The following RCN2 variants were observed in gnomAD, a reference collection of about 807,000 sequenced individuals.
RCN2 encodes reticulocalbin-2.
Under a neutral mutation model 37.5 loss-of-function variants are expected in RCN2, and 23 were observed. That is an observed-to-expected ratio of 0.61 (90% CI 0.44 to 0.87). The LOEUF is 0.87. Among genes scored for constraint, RCN2 ranks in the 40% least tolerant of loss-of-function variants. The pLI is 0.00. For missense variants in RCN2, 381 were observed against 390.4 expected (o/e 0.98, Z 0.20); for synonymous variants, 140 against 144.6 (o/e 0.97, Z 0.23).
intron 4 of RCN2, among the ~76,000 whole-genome samples, chr15:76,946,182 A>G (rs2075295840): frequency 6.6e-6 from 1 of 152,236 alleles, no homozygotes; most frequent in African/African-American, 2.4e-5. Flanking sequence ...TGGGCCAGGC[A>G]TGGTGGCTCA....
rs2075222892 is a variant in RCN2, at chr15:76,931,792, C to T, written c.-50C>T. ...GGAGCATCGCAGCCGGCCCGGGCCC[C>T]CGCCAGCCTCCCTCCTCGCGTCCCT... On this transcript the variant is annotated 5_prime_UTR_variant, in exon 1 of 7. Transcript: ENST00000394885. 1.7e-6 allele frequency: 2 copies of T among 1,193,396 alleles called. No homozygotes were observed. Among genetic ancestry groups the T allele is most frequent in the South Asian group, 3.9e-5 (1 of 25,766 alleles). 73.9% of individuals were successfully genotyped at this position (1,193,396 alleles called of 1,614,324 possible).
At chr15:76,941,773 T>A (rs1052901051) in intron 3 of RCN2, 28 of 671,406 alleles carry the variant, frequency 4.2e-5, no homozygotes, top group South Asian at 6.1e-5. Flanking sequence ...TTTTTTTTTT[T>A]AAAGAAATCT....
At chr15:76,935,837 G>A in intron 3 of RCN2, 115 bp downstream of exon 3, 1 of 695,090 alleles carries the variant, frequency 1.4e-6, no homozygotes, top group Non-Finnish European at 2.4e-6. Context: ...TGTTCTCTAG[G>A]AAATCACCTG....
At chr15:76,945,780 C>G (rs1239620063) in intron 4 of RCN2, among the ~76,000 whole-genome samples, 1 of 152,204 alleles carries the variant, frequency 6.6e-6, no homozygotes, top group Non-Finnish European at 1.5e-5. Context: ...ATACATTTTT[C>G]TCCATAGCTC....
In RCN2 at chr15:76,950,102, A is replaced by C. The variant is rs1274956720; in HGVS notation, c.*880A>C. ...TAATATAATTGAATGTGCACCTGAC[A>C]CATTTTAATAATTGGTGTTGTAGCA... On this transcript the variant is annotated 3_prime_UTR_variant, in exon 7 of 7. Transcript: ENST00000394885. 1 of 152,052 alleles carries C rather than the reference A, an allele frequency of 6.6e-6. No homozygotes were observed. 9.4% of individuals were successfully genotyped at this position (152,052 alleles called of 1,614,324 possible).
rs1421931490 is a variant in RCN2 at position 76,952,222 on chromosome 15, A to G, written c.*3000A>G. The G allele has an allele frequency of 6.6e-6, 1 of 152,108 alleles. No homozygotes were observed. The highest frequency in any genetic ancestry group is 1.5e-5 in the Non-Finnish European group (1 of 68,030). The allele number at this position is 152,108 out of a possible 1,614,324, so 9.4% of individuals were successfully genotyped here. ...ACTGTTAACATATCATTGTCACCCA[A>G]AGTGCATAGTTTACATTAGGGTTCA... On this transcript the variant is annotated 3_prime_UTR_variant, in exon 7 of 7. Transcript: ENST00000394885.
Position 76,951,442 on chromosome 15 carries a change from G to A in RCN2, c.*2220G>A, listed in dbSNP as rs1431569873. ...GCTGGATCCACAGTGGGCTTTGTATGATCAAAAAATAAGCTTTTAATTATG... is the reference window on the plus strand; with the variant it reads ...GCTGGATCCACAGTGGGCTTTGTATAATCAAAAAATAAGCTTTTAATTATG... On this transcript the variant is annotated 3_prime_UTR_variant, in exon 7 of 7. Coordinates refer to ENST00000394885, the MANE Select transcript of RCN2 (RefSeq NM_002902.3). The A allele has an allele frequency of 6.6e-6, 1 of 152,152 alleles. No individual in the cohort carries two copies. The highest frequency in any genetic ancestry group is 2.4e-5 in the African/African-American group (1 of 41,426). The allele number at this position is 152,152 out of a possible 1,614,324, so 9.4% of individuals were successfully genotyped here. A position where few individuals can be genotyped will look rare whatever the true frequency, so the allele number is the denominator to read the frequency against.
intron 3 of RCN2, among the ~76,000 whole-genome samples, chr15:76,940,109 AT>A (rs112017316): frequency 0.012 from 1,757 of 148,376 alleles, 28 homozygotes; most frequent in African/African-American, 0.039. Context: ...CCTTTTGGTT[AT>A]TTTTTTTTTT....
chr15:76,941,565 T>C (rs1282967766), intron 3 of RCN2: 2 of 830,876 alleles, frequency 2.4e-6, no homozygotes, highest in Non-Finnish European at 3.7e-6. Context: ...GAATACAAAG[T>C]TTTTATATAC....
At chr15:76,946,862 A>G (rs1253247685) in intron 4 of RCN2, among the ~76,000 whole-genome samples, 1 of 152,150 alleles carries the variant, frequency 6.6e-6, no homozygotes, top group Non-Finnish European at 1.5e-5. Flanking sequence ...CTTTGATAAG[A>G]GGGAGGAACA....
chr15:76,931,959 G>C lies in RCN2; in HGVS notation c.118G>C (p.Asp40His). 1 of 1,276,168 alleles carries C rather than the reference G, an allele frequency of 7.8e-7. No individual in the cohort carries two copies. Among genetic ancestry groups the C allele is most frequent in the Non-Finnish European group, 9.8e-7 (1 of 1,016,386 alleles). 79.1% of individuals were successfully genotyped at this position (1,276,168 alleles called of 1,614,324 possible). ...GCTGGGCGAGCGCCGCAGCGACTAC[G>C]ACCGCGAGGCGCTGCTGGGCGTCCA... Reference protein sequence around the residue: ...YPLGERRSDYDREALLGVQED... With the variant: ...YPLGERRSDYHREALLGVQED... The change falls in exon 1 of 7, where the codon GAC becomes CAC. Residue 40 changes from aspartate to histidine, a missense_variant. Physicochemically the swap from Asp to His is moderately conservative, Grantham distance 81. Transcript: ENST00000394885.
At chr15:76,936,766 C>A (rs1245205953) in intron 3 of RCN2, among the ~76,000 whole-genome samples, 1 of 152,150 alleles carries the variant, frequency 6.6e-6, no homozygotes, top group East Asian at 1.9e-4. Context: ...GTCTTGGAAC[C>A]AATTTCCCAG....
intron 6 of RCN2, 41 bp downstream of exon 6, chr15:76,948,593 C>T (rs1306202432): frequency 6.8e-7 from 1 of 1,471,920 alleles, no homozygotes; most frequent in Non-Finnish European, 9.1e-7. Flanking sequence ...ACCCCCTCCC[C>T]CCGAATTTGG....
chr15:76,936,190 AC>A (rs1440262331), intron 3 of RCN2, among the ~76,000 whole-genome samples: 2 of 151,962 alleles, frequency 1.3e-5, no homozygotes, highest in Admixed American at 6.6e-5. Context: ...AAAAAAAAAA[AC>A]TGTGTCTCTA....
chr15:76,947,387 C>CTT, intron 4 of RCN2, 34 bp from the exon 5 acceptor site: 15 of 1,275,492 alleles, frequency 1.2e-5, no homozygotes, highest in Admixed American at 6.6e-5. Flanking sequence ...CATTTTGTAA[C>CTT]TTTTTTTTTT....
chr15:76,945,606 A>G (rs2075293738), intron 4 of RCN2, among the ~76,000 whole-genome samples: 1 of 152,236 alleles, frequency 6.6e-6, no homozygotes, highest in African/African-American at 2.4e-5. Flanking sequence ...AATGTAACAA[A>G]TAGCTTTTTA....
intron 3 of RCN2, chr15:76,938,951 G>C: frequency 2.9e-6 from 1 of 346,466 alleles, no homozygotes; most frequent in South Asian, 2.1e-5. Flanking sequence ...AGAATCACTT[G>C]AGCCCAGAGT....
intron 3 of RCN2, chr15:76,941,651 T>TA (rs1483563371): frequency 6.7e-7 from 1 of 1,502,498 alleles, no homozygotes; most frequent in Non-Finnish European, 9.0e-7. Context: ...TTGCCATTTG[T>TA]AAAAAACAGT....
intron 3 of RCN2, chr15:76,943,520 G>T: frequency 2.9e-6 from 1 of 350,198 alleles, no homozygotes; most frequent in Non-Finnish European, 5.2e-6. Flanking sequence ...AGCAGTTTGC[G>T]CTGACACCAC....
Sources: gnomAD v4.1 joint callset for allele counts (sites outside exome capture counted in the v4.1 genomes callset) on GRCh38, gnomAD v4.1.1 for gene constraint, MANE v1.5 for transcripts, NCBI Gene and HGNC (gene_info 2026-07-23, HGNC 2026-07-21) for gene names.